ATRNL1: variants seen among roughly 807,000 people sequenced by gnomAD.
ATRNL1 encodes attractin-like protein 1.
ATRNL1 carries 95 observed loss-of-function variants against 182.7 expected under a neutral mutation model. The ratio of observed to expected loss-of-function variants is 0.52; its 90% confidence interval spans 0.44 to 0.62. The LOEUF is 0.62. ATRNL1 is among the 20% of genes least tolerant of loss of function. The probability of loss-of-function intolerance (pLI) is 0.00; values close to 1 mark genes in which losing one functional copy is unlikely to be tolerated. For synonymous variants in ATRNL1, 576 were observed against 568.3 expected (o/e 1.01, Z -0.19); for missense variants, 1,471 against 1,679.5 (o/e 0.88, Z 2.17).
At chr10:115,606,356 T>C (rs562477623) in intron 26 of ATRNL1, among the ~76,000 whole-genome samples, 1 of 152,158 alleles carries the variant, frequency 6.6e-6, no homozygotes, top group South Asian at 2.1e-4. Flanking sequence ...ATTGAAAATA[T>C]ATCCCTTCTT....
At chr10:115,698,900 T>C (rs140595604) in intron 26 of ATRNL1, among the ~76,000 whole-genome samples, 7 of 152,266 alleles carry the variant, frequency 4.6e-5, no homozygotes, top group Non-Finnish European at 8.8e-5. Context: ...TAGTAATATT[T>C]AAAAGTTAAC....
intron 5 of ATRNL1, among the ~76,000 whole-genome samples, chr10:115,138,432 T>A (rs1845614858): frequency 6.6e-6 from 1 of 152,240 alleles, no homozygotes; most frequent in South Asian, 2.1e-4. Flanking sequence ...GACTTCTGCC[T>A]GGGCATCCAG....
chr10:115,580,370 G>C (rs896962696), intron 26 of ATRNL1, among the ~76,000 whole-genome samples: 3 of 151,898 alleles, frequency 2.0e-5, no homozygotes, highest in African/African-American at 7.3e-5. Flanking sequence ...TGGTTTGCTG[G>C]GTATAGATGG....
chr10:115,778,785 A>C (rs1555078560), intron 27 of ATRNL1, among the ~76,000 whole-genome samples: 1 of 152,192 alleles, frequency 6.6e-6, no homozygotes, highest in African/African-American at 2.4e-5. Context: ...TTAGTCTGGT[A>C]GCTTGTGTAG....
At chr10:115,414,189 A>G in intron 20 of ATRNL1, among the ~76,000 whole-genome samples, 1 of 152,064 alleles carries the variant, frequency 6.6e-6, no homozygotes, top group Non-Finnish European at 1.5e-5. Flanking sequence ...CACTTCAGTA[A>G]GAAAACCTAC....
chr10:115,555,822 A>C (rs1554996878), intron 26 of ATRNL1, among the ~76,000 whole-genome samples: 1 of 152,046 alleles, frequency 6.6e-6, no homozygotes, highest in Non-Finnish European at 1.5e-5. Flanking sequence ...CTATAATATA[A>C]ACAAATAGTC....
intron 26 of ATRNL1, among the ~76,000 whole-genome samples, chr10:115,712,445 A>G (rs556342127): frequency 2.0e-5 from 3 of 152,346 alleles, no homozygotes; most frequent in South Asian, 4.1e-4. Flanking sequence ...CTATTGGTCT[A>G]TAAAAGTTGT....
At chr10:115,167,217 G>T (rs1046351841) in intron 7 of ATRNL1, among the ~76,000 whole-genome samples, 6 of 149,122 alleles carry the variant, frequency 4.0e-5, no homozygotes, top group African/African-American at 7.3e-5. Context: ...GTATATGAGG[G>T]TTTTTTTTTT....
chr10:115,846,847 C>G (rs537013907), intron 27 of ATRNL1, among the ~76,000 whole-genome samples: 2 of 151,968 alleles, frequency 1.3e-5, no homozygotes, highest in Non-Finnish European at 2.9e-5. Flanking sequence ...AAATGCTAGC[C>G]CAACTACTGC....
At chr10:115,327,800 T>C (rs1352991445) in intron 18 of ATRNL1, among the ~76,000 whole-genome samples, 2 of 151,838 alleles carry the variant, frequency 1.3e-5, no homozygotes, top group Non-Finnish European at 2.9e-5. Flanking sequence ...ATGGATGAAA[T>C]TGGAAATCAT....
intron 27 of ATRNL1, among the ~76,000 whole-genome samples, chr10:115,734,118 A>G (rs1337063674): frequency 6.6e-6 from 1 of 152,038 alleles, no homozygotes; most frequent in Non-Finnish European, 1.5e-5. Flanking sequence ...TTCAATTAGC[A>G]TTATTCTAAT....
intron 27 of ATRNL1, among the ~76,000 whole-genome samples, chr10:115,758,381 C>T (rs2907520): frequency 0.95 from 144,616 of 152,182 alleles, 69,128 homozygotes; most frequent in East Asian, 1. Context: ...ACAGTCAGGC[C>T]CCTCTGCTAC....
At chr10:115,167,218 T>G (rs1847084973) in intron 7 of ATRNL1, among the ~76,000 whole-genome samples, 2 of 66,484 alleles carry the variant, frequency 3.0e-5, no homozygotes, top group African/African-American at 7.1e-5. Context: ...TATATGAGGG[T>G]TTTTTTTTTC....
intron 8 of ATRNL1, among the ~76,000 whole-genome samples, chr10:115,191,482 C>T (rs1554889826): frequency 6.6e-6 from 1 of 151,664 alleles, no homozygotes; most frequent in East Asian, 1.9e-4. Flanking sequence ...TTTCATATAC[C>T]TGTTTGCCAT....
At chr10:115,789,859 T>C (rs1349971085) in intron 27 of ATRNL1, among the ~76,000 whole-genome samples, 1 of 152,118 alleles carries the variant, frequency 6.6e-6, no homozygotes, top group Non-Finnish European at 1.5e-5. Flanking sequence ...TCCAGTACAA[T>C]TGAGGATTAA....
At chr10:115,565,809 AT>A (rs1462764804) in intron 26 of ATRNL1, among the ~76,000 whole-genome samples, 26 of 152,188 alleles carry the variant, frequency 1.7e-4, no homozygotes, top group Non-Finnish European at 2.4e-4. Flanking sequence ...GCCATCCTAA[AT>A]TTTTCTACTA....
At chr10:115,502,115 A>T (rs1849873737) in intron 24 of ATRNL1, among the ~76,000 whole-genome samples, 1 of 152,160 alleles carries the variant, frequency 6.6e-6, no homozygotes, top group Admixed American at 6.5e-5. Flanking sequence ...TATTACTGAT[A>T]ATGTATACTA....
chr10:115,582,265 T>C (rs1555007876), intron 26 of ATRNL1, among the ~76,000 whole-genome samples: 1 of 149,616 alleles, frequency 6.7e-6, no homozygotes, highest in Non-Finnish European at 1.5e-5. Context: ...TACCCAGTAA[T>C]GGGATGACTG....
At chr10:115,118,916 G>C (rs1467877767) in intron 1 of ATRNL1, among the ~76,000 whole-genome samples, 6 of 151,956 alleles carry the variant, frequency 3.9e-5, no homozygotes, top group Non-Finnish European at 5.9e-5. Flanking sequence ...AATATTATTG[G>C]AAGTGAAAAA....
Sources: gnomAD v4.1 joint callset for allele counts (sites outside exome capture counted in the v4.1 genomes callset) on GRCh38, gnomAD v4.1.1 for gene constraint, MANE v1.5 for transcripts, NCBI Gene and HGNC (gene_info 2026-07-23, HGNC 2026-07-21) for gene names.